Variants in BTC observed in about 807,000 individuals in gnomAD.
The protein encoded by BTC is betacellulin.
Under a neutral mutation model 18.1 loss-of-function variants are expected in BTC, and 13 were observed. The observed-to-expected ratio is 0.72, with a 90% CI of 0.47 to 1.14. The LOEUF (loss-of-function observed/expected upper bound fraction) is 1.14. Among genes scored for constraint, BTC ranks in the 50% most tolerant of loss-of-function variants. The pLI, the probability that BTC is intolerant of heterozygous loss-of-function variation, is 0.00. For synonymous variants in BTC, 83 were observed against 79.4 expected, an observed-to-expected ratio of 1.05 and a Z score of -0.24; for missense variants, 247 against 224.2, an observed-to-expected ratio of 1.10 and a Z score of -0.65.
intron 2 of BTC, among the ~76,000 whole-genome samples, chr4:74,765,916 T>TA (rs1373919250): frequency 1.3e-5 from 2 of 152,126 alleles, no homozygotes; most frequent in African/African-American, 4.8e-5. Flanking sequence ...AGAGTGTACT[T>TA]ACACAAATTT....
Position 74,745,812 on chromosome 4 carries a change from G to A in BTC, c.*865C>T, listed in dbSNP as rs140924051. 36 of 152,270 alleles carry A rather than the reference G, an allele frequency of 2.4e-4. No homozygotes were observed. Among genetic ancestry groups the A allele is most frequent in the African/African-American group, 7.7e-4 (32 of 41,566 alleles). The allele number at this position is 152,270 out of a possible 1,614,324, so 9.4% of individuals were successfully genotyped here. On this transcript the variant is annotated 3_prime_UTR_variant, in exon 6 of 6. Transcript: ENST00000395743. ...TTACCCAGGGCTTAAGGAATGCCAA[G>A]CATTTACTTTTCCATCTCTATTCAT... is the stretch of plus-strand genomic sequence containing the variant.
intron 2 of BTC, among the ~76,000 whole-genome samples, chr4:74,761,368 T>C (rs533053747): frequency 2.6e-5 from 4 of 152,298 alleles, no homozygotes; most frequent in Non-Finnish European, 5.9e-5. Context: ...CAGGGCTGGA[T>C]ACTCTTTCAT....
At chr4:74,788,756 C>T (rs1366151767) in intron 1 of BTC, among the ~76,000 whole-genome samples, 1 of 152,162 alleles carries the variant, frequency 6.6e-6, no homozygotes. Context: ...TAATGTTTTG[C>T]TAATTGCGAT....
At position 74,760,690 on chromosome 4, in the gene BTC, T is replaced by A. The variant is rs1489503896; in HGVS notation, c.164-4714A>T. Among the ~76,000 whole-genome samples, 3 of 152,088 alleles carry A rather than the reference T, an allele frequency of 2.0e-5. No individual in the cohort carries two copies. In the East Asian group the frequency reaches 5.8e-4, roughly 29 times the overall value. ...CTTTTTCTGAGCTACTAGAATTTGC[T>A]TATGTAGGAGTTCAGTAGCATGATA... On this transcript the variant is annotated intron_variant, in intron 2 of 5. Coordinates refer to ENST00000395743, the MANE Select transcript of BTC (RefSeq NM_001729.4).
chr4:74,794,379 GC>G lies in BTC; in HGVS notation c.-55del, dbSNP rs1298731553. 4 of 1,463,866 alleles carry G rather than the reference GC, an allele frequency of 2.7e-6. No individual in the cohort carries two copies. The allele number at this position is 1,463,866 out of a possible 1,614,324, so 90.7% of individuals were successfully genotyped here. A position where few individuals can be genotyped will look rare whatever the true frequency, so the allele number is the denominator to read the frequency against. On this transcript the variant is annotated 5_prime_UTR_variant, in exon 1 of 6. Transcript: ENST00000395743. ...CCTAGACAAGTCTCCCTCCTTCTTC[GC>G]CCCCTTCCCGGGCCTCGGGCGCCTG... is the stretch of plus-strand genomic sequence containing the variant.
chr4:74,771,519 T>G (rs970578208), intron 1 of BTC, among the ~76,000 whole-genome samples: 3 of 152,156 alleles, frequency 2.0e-5, no homozygotes, highest in African/African-American at 7.2e-5. Context: ...TGGAGCCAAT[T>G]AACCATAACA....
chr4:74,764,923 A>G (rs908987489), intron 2 of BTC, among the ~76,000 whole-genome samples: 2 of 151,982 alleles, frequency 1.3e-5, no homozygotes, highest in Non-Finnish European at 2.9e-5. Flanking sequence ...ATTGAGGAGC[A>G]AAGTCATGTC....
chr4:74,772,809 G>A (rs556274772), intron 1 of BTC, among the ~76,000 whole-genome samples: 3 of 152,272 alleles, frequency 2.0e-5, no homozygotes, highest in Admixed American at 6.5e-5. Flanking sequence ...CCAGTTGCAC[G>A]CCTTCTCACT....
intron 1 of BTC, among the ~76,000 whole-genome samples, chr4:74,791,646 G>C (rs917784628): frequency 1.3e-5 from 2 of 152,044 alleles, no homozygotes; most frequent in Non-Finnish European, 2.9e-5. Flanking sequence ...CTCAAAGAAA[G>C]TAGTACCTAA....
At chr4:74,778,604 C>A (rs1222332674) in intron 1 of BTC, among the ~76,000 whole-genome samples, 1 of 152,078 alleles carries the variant, frequency 6.6e-6, no homozygotes, top group African/African-American at 2.4e-5. Flanking sequence ...TACCTTGAAG[C>A]AGTCCAGTGG....
intron 1 of BTC, among the ~76,000 whole-genome samples, chr4:74,787,457 T>C (rs1428343231): frequency 2.6e-5 from 4 of 152,358 alleles, no homozygotes; most frequent in Non-Finnish European, 5.9e-5. Flanking sequence ...AACAATTAGA[T>C]ATACAGTTGA....
chr4:74,768,774 C>T lies in BTC; in HGVS notation c.163+1284G>A, dbSNP rs557245870. Among the ~76,000 whole-genome samples the T allele has an allele frequency of 2.9e-4, 44 of 152,184 alleles. 1 individual carries two copies. In the South Asian group the frequency reaches 8.7e-3, roughly 30 times the overall value. On this transcript the variant is annotated intron_variant, in intron 2 of 5. Coordinates refer to ENST00000395743, the MANE Select transcript of BTC (RefSeq NM_001729.4). ...ACAATAAAAATAAAATTAGAAAACACATTTAGGATGATGATGAGGAAGATT... is the reference window on the plus strand; with the variant it reads ...ACAATAAAAATAAAATTAGAAAACATATTTAGGATGATGATGAGGAAGATT...
At chr4:74,774,108 A>G (rs899147608) in intron 1 of BTC, among the ~76,000 whole-genome samples, 8 of 152,248 alleles carry the variant, frequency 5.3e-5, no homozygotes, top group African/African-American at 1.9e-4. Flanking sequence ...AAAAAGTGTA[A>G]GCAAGATAAC....
chr4:74,792,481 C>A (rs758218877), intron 1 of BTC, among the ~76,000 whole-genome samples: 2 of 151,970 alleles, frequency 1.3e-5, no homozygotes, highest in Non-Finnish European at 2.9e-5. Context: ...CCCACAGGCG[C>A]CCCCCCTTCC....
At chr4:74,754,325 C>T (rs1296288676) in intron 3 of BTC, among the ~76,000 whole-genome samples, 1 of 152,180 alleles carries the variant, frequency 6.6e-6, no homozygotes, top group Non-Finnish European at 1.5e-5. Flanking sequence ...CACTGAAATA[C>T]AAAAATGAAT....
chr4:74,750,837 C>G, intron 3 of BTC, 118 bp from the exon 4 acceptor site: 1 of 1,374,990 alleles, frequency 7.3e-7, no homozygotes, highest in Admixed American at 2.5e-5. Flanking sequence ...ACACAGTTCC[C>G]TTTTTAAAAA....
chr4:74,754,400 T>C (rs1294122621), intron 3 of BTC, among the ~76,000 whole-genome samples: 1 of 152,206 alleles, frequency 6.6e-6, no homozygotes, highest in Non-Finnish European at 1.5e-5. Context: ...AAACCACCAG[T>C]TATGCTCCAG....
At chr4:74,777,702 A>G (rs190999925) in intron 1 of BTC, among the ~76,000 whole-genome samples, 1 of 152,266 alleles carries the variant, frequency 6.6e-6, no homozygotes, top group African/African-American at 2.4e-5. Flanking sequence ...TGTTTTCAGT[A>G]GAGTTCTGCC....
intron 1 of BTC, among the ~76,000 whole-genome samples, chr4:74,792,244 G>A (rs1328115247): frequency 6.6e-6 from 1 of 152,176 alleles, no homozygotes. Flanking sequence ...TAACAGGGCG[G>A]TTGTACATTT....
Sources: allele counts gnomAD v4.1 joint callset (sites outside exome capture counted in the v4.1 genomes callset), GRCh38; gene constraint gnomAD v4.1.1; transcripts MANE v1.5; gene names NCBI Gene and HGNC (gene_info 2026-07-23, HGNC 2026-07-21).